YTHDF2: variants seen among roughly 807,000 people sequenced by gnomAD.
YTHDF2 encodes the protein YTH N6-methyladenosine RNA binding protein F2.
Under a neutral mutation model 50.4 loss-of-function variants are expected in YTHDF2, and 2 were observed. The observed-to-expected ratio is 0.04, with a 90% CI of 0.02 to 0.12. The LOEUF (loss-of-function observed/expected upper bound fraction) is 0.12. Among genes scored for constraint, YTHDF2 ranks in the 10% least tolerant of loss-of-function variants. The pLI is 1.00. For synonymous variants in YTHDF2, 217 were observed against 255.6 expected (o/e 0.85, Z 1.44); for missense variants, 483 against 722.6 (o/e 0.67, Z 3.80).
intron 4 of YTHDF2, among the ~76,000 whole-genome samples, chr1:28,757,098 C>G (rs2088045924): frequency 6.6e-6 from 1 of 152,192 alleles, no homozygotes; most frequent in Admixed American, 6.6e-5. Context: ...TACCCTAATG[C>G]TTTTCATTCC....
chr1:28,742,932 T>A lies in YTHDF2; in HGVS notation c.662T>A (p.Val221Glu). The stretch of plus-strand genomic sequence containing the variant: ...AGCGGGTCCATTACTAGTAACATCG[T>A]GGCTTCCAATAGTTTGCCTCCAGCC... Reference protein sequence around the residue: ...VGSGSITSNIVASNSLPPATI... With the variant: ...VGSGSITSNIEASNSLPPATI... Residue 221 changes from valine to glutamate, a missense_variant, in exon 4 of 5, where the codon GTG (valine) becomes GAG (glutamate). Physicochemically the swap from Val to Glu is moderately radical, Grantham distance 121 (BLOSUM62 -2). Around this residue, in one of 4 missense-constraint regions of YTHDF2, gnomAD observed 385 missense variants for 475.8 expected, o/e 0.81. Coordinates refer to ENST00000373812, the MANE Select transcript of YTHDF2 (RefSeq NM_016258.3). 6.2e-7 allele frequency: 1 copy of A among 1,614,194 alleles called. No homozygotes were observed. The highest frequency in any genetic ancestry group is 8.5e-7 in the Non-Finnish European group (1 of 1,180,034).
intron 4 of YTHDF2, among the ~76,000 whole-genome samples, chr1:28,749,888 C>T (rs1765988): frequency 6.8e-6 from 1 of 147,518 alleles, no homozygotes; most frequent in Non-Finnish European, 1.5e-5. Flanking sequence ...GAGTTTTAGT[C>T]TAAAAAAAAG....
intron 2 of YTHDF2, 133 bp downstream of exon 2, chr1:28,737,815 AT>A (rs1375782043): frequency 2.5e-5 from 26 of 1,027,126 alleles, no homozygotes; most frequent in Middle Eastern, 3.2e-4. Flanking sequence ...ACACTTAAGT[AT>A]TTTGACCCTT....
At chr1:28,741,680 G>T (rs999815586) in intron 3 of YTHDF2, among the ~76,000 whole-genome samples, 1 of 152,204 alleles carries the variant, frequency 6.6e-6, no homozygotes, top group Non-Finnish European at 1.5e-5. Context: ...GATATTCCCA[G>T]ATAGTTTGCC....
chr1:28,763,817 G>T (rs1389595663), intron 4 of YTHDF2, among the ~76,000 whole-genome samples: 7 of 146,196 alleles, frequency 4.8e-5, no homozygotes, highest in Non-Finnish European at 9.0e-5. Context: ...ATTTATAATT[G>T]TATATATTTA....
Position 28,737,050 on chromosome 1 carries a change from G to A in YTHDF2, c.-71G>A, listed in dbSNP as rs982625073. ...AAGCCTCCGCCTGCTCCCGCAGACG[G>A]GGCTCATCTGCCGCCGCCGCCGCGC... On this transcript the variant is annotated 5_prime_UTR_variant, in exon 1 of 5. Coordinates refer to ENST00000373812, the MANE Select transcript of YTHDF2 (RefSeq NM_016258.3). 1.3e-6 allele frequency: 2 copies of A among 1,544,662 alleles called. No individual in the cohort carries two copies. Among genetic ancestry groups the A allele is most frequent in the Admixed American group, 1.9e-5 (1 of 51,384 alleles).
chr1:28,764,307 T>C (rs933652120), intron 4 of YTHDF2, among the ~76,000 whole-genome samples: 1 of 151,622 alleles, frequency 6.6e-6, no homozygotes, highest in African/African-American at 2.4e-5. Flanking sequence ...AGTTTTGCTC[T>C]GTCACCCAGG....
intron 4 of YTHDF2, among the ~76,000 whole-genome samples, chr1:28,763,758 T>G (rs1231074820): frequency 6.8e-6 from 1 of 147,854 alleles, no homozygotes; most frequent in Non-Finnish European, 1.5e-5. Context: ...CCCAGCCAAT[T>G]TTTTTTTTTT....
intron 3 of YTHDF2, among the ~76,000 whole-genome samples, chr1:28,740,067 A>G (rs780824741): frequency 3.3e-5 from 5 of 152,222 alleles, no homozygotes; most frequent in African/African-American, 4.8e-5. Flanking sequence ...CCTGTGTAAA[A>G]TTTTCAACAC....
intron 2 of YTHDF2, 126 bp downstream of exon 2, chr1:28,737,808 CT>C: frequency 8.8e-7 from 1 of 1,132,716 alleles, no homozygotes; most frequent in Non-Finnish European, 1.3e-6. Flanking sequence ...GTGCCGCACA[CT>C]TAAGTATTTT....
At chr1:28,737,962 CCTCGTGGAT>C (rs2087721216) in intron 2 of YTHDF2, 2 of 572,014 alleles carry the variant, frequency 3.5e-6, no homozygotes, top group Non-Finnish European at 6.2e-6. Flanking sequence ...TGTTTTTCAT[CCTCGTGGAT>C]CACTCTCTGG....
chr1:28,743,617 G>T lies in YTHDF2; in HGVS notation c.1347G>T (p.Met449Ile). 1 of 1,614,150 alleles carries T rather than the reference G, an allele frequency of 6.2e-7. No homozygotes were observed. The highest frequency in any genetic ancestry group is 8.5e-7 in the Non-Finnish European group (1 of 1,180,024). ...GACTGGATGCTGCTTATCGTTCCAT[G>T]AACGGGAAAGGCCCCGTTTACTTAC... is the stretch of plus-strand genomic sequence containing the variant. ...NKRLDAAYRS[M>I]NGKGPVYLLF... The change falls in exon 4 of 5, where the codon ATG (methionine) becomes ATT (isoleucine). Residue 449 changes from methionine (M) to isoleucine (I), a missense_variant. By Grantham distance (10) the Met-to-Ile change is conservative. This residue lies in a region of YTHDF2 where 59 missense variants were observed against 168.9 expected (regional missense o/e 0.35). Transcript: ENST00000373812. The surrounding 1 kb of genome is among the most constrained non-coding windows in gnomAD (Gnocchi z 6.9).
At chr1:28,737,271 TCGGGC>T in intron 1 of YTHDF2, 124 bp downstream of exon 1, 2 of 1,323,844 alleles carry the variant, frequency 1.5e-6, no homozygotes, top group South Asian at 3.0e-5. Flanking sequence ...GGGCCAGGTT[TCGGGC>T]CTCTCAGGCC....
rs1375816254 is a variant in YTHDF2 at position 28,736,988 on chromosome 1, C to G, written c.-133C>G. 8.6e-7 allele frequency: 1 copy of G among 1,165,710 alleles called. No homozygotes were observed. The highest frequency in any genetic ancestry group is 1.6e-5 in the African/African-American group (1 of 63,328). The allele number at this position is 1,165,710 out of a possible 1,614,324, so 72.2% of individuals were successfully genotyped here. ...GAGCCTGAGCCGCGCGCTGTGTCTC[C>G]GCTGCGTCCGCCGAGGCCCCCGAGT... On this transcript the variant is annotated 5_prime_UTR_variant, in exon 1 of 5. Coordinates refer to ENST00000373812, the MANE Select transcript of YTHDF2 (RefSeq NM_016258.3).
intron 4 of YTHDF2, among the ~76,000 whole-genome samples, chr1:28,765,905 C>T (rs977748575): frequency 1.3e-5 from 2 of 152,098 alleles, no homozygotes; most frequent in African/African-American, 4.8e-5. Context: ...GTGTAGTTCC[C>T]AAGAACAAAG....
At chr1:28,737,714 G>T in intron 2 of YTHDF2, 32 bp downstream of exon 2, 1 of 1,612,108 alleles carries the variant, frequency 6.2e-7, no homozygotes, top group Non-Finnish European at 8.5e-7. Context: ...GCCCTGAGCC[G>T]GGAGGGGGAC....
intron 4 of YTHDF2, among the ~76,000 whole-genome samples, chr1:28,745,616 T>C (rs1238179252): frequency 6.6e-6 from 1 of 151,620 alleles, no homozygotes; most frequent in Non-Finnish European, 1.5e-5. Context: ...TCTCAGCTAC[T>C]TGGGAGGCTG....
chr1:28,741,554 A>G (rs1291450556), intron 3 of YTHDF2, among the ~76,000 whole-genome samples: 1 of 152,096 alleles, frequency 6.6e-6, no homozygotes, highest in South Asian at 2.1e-4. Context: ...TCTGTCTCCC[A>G]AAGTTCTGGG....
At chr1:28,767,503 T>A (rs1027549002) in intron 4 of YTHDF2, among the ~76,000 whole-genome samples, 191 of 151,686 alleles carry the variant, frequency 1.3e-3, no homozygotes, top group African/African-American at 4.5e-3. Flanking sequence ...ATTTTTATTT[T>A]ATTTATTTAT....
Sources: gnomAD v4.1 joint callset for allele counts (sites outside exome capture counted in the v4.1 genomes callset) on GRCh38, gnomAD v4.1.1 for gene constraint, gnomAD v4.1.1 regional missense constraint, Gnocchi (gnomAD v3.1) non-coding constraint, MANE v1.5 for transcripts, NCBI Gene and HGNC (gene_info 2026-07-23, HGNC 2026-07-21) for gene names.